The following ADK variants were observed in gnomAD, a reference collection of about 807,000 sequenced individuals.
ADK encodes N6,N6-dimethyladenosine kinase.
In ADK, 24 loss-of-function variants were observed where a neutral mutation model predicts 44.7. The ratio of observed to expected loss-of-function variants is 0.54; its 90% confidence interval spans 0.39 to 0.76. The LOEUF is 0.76. ADK is among the 30% of genes least tolerant of loss of function. ADK has a pLI of 0.00. For synonymous variants in ADK, 128 were observed against 142.6 expected, an observed-to-expected ratio of 0.90 and a Z score of 0.73; for missense variants, 321 against 425.1, an observed-to-expected ratio of 0.76 and a Z score of 2.15.
intron 2 of ADK, among the ~76,000 whole-genome samples, chr10:74,222,854 A>T (rs1844371497): frequency 1.1e-5 from 1 of 89,236 alleles, no homozygotes; most frequent in Non-Finnish European, 2.1e-5. Flanking sequence ...CACTCTGGGG[A>T]CTGTTGTGGG....
chr10:74,440,183 A>G (rs1480180086), intron 6 of ADK, among the ~76,000 whole-genome samples: 1 of 152,134 alleles, frequency 6.6e-6, no homozygotes, highest in African/African-American at 2.4e-5. Context: ...CATATTGGAC[A>G]TATTTACAAT....
At chr10:74,495,271 A>G (rs923603613) in intron 6 of ADK, among the ~76,000 whole-genome samples, 1 of 148,360 alleles carries the variant, frequency 6.7e-6, no homozygotes, top group Non-Finnish European at 1.5e-5. Context: ...TCTATTTTTC[A>G]TTTTTTCTTT....
chr10:74,476,925 T>C (rs1258497256), intron 6 of ADK, among the ~76,000 whole-genome samples: 1 of 152,190 alleles, frequency 6.6e-6, no homozygotes, highest in Non-Finnish European at 1.5e-5. Context: ...TTTTTTTACT[T>C]AGCAAAATTC....
At chr10:74,611,580 G>A (rs1852547610) in intron 9 of ADK, among the ~76,000 whole-genome samples, 2 of 151,028 alleles carry the variant, frequency 1.3e-5, no homozygotes, top group African/African-American at 2.4e-5. Flanking sequence ...CTGGGGTTTG[G>A]GCTTCTATTG....
chr10:74,152,249 C>G (rs1841617891), intron 1 of ADK, among the ~76,000 whole-genome samples: 2 of 152,158 alleles, frequency 1.3e-5, no homozygotes, highest in Admixed American at 6.5e-5. Flanking sequence ...GAAAAGGACA[C>G]TTAGGGGCCT....
At chr10:74,334,712 A>AT (rs1299454495) in intron 4 of ADK, among the ~76,000 whole-genome samples, 26 of 152,134 alleles carry the variant, frequency 1.7e-4, no homozygotes, top group African/African-American at 6.3e-4. Flanking sequence ...CCTATGAGTG[A>AT]TTTTTTAGGT....
chr10:74,427,275 T>G (rs1383144330), intron 6 of ADK, among the ~76,000 whole-genome samples: 1 of 152,160 alleles, frequency 6.6e-6, no homozygotes, highest in Non-Finnish European at 1.5e-5. Flanking sequence ...CTCCGCTCAC[T>G]GCAAGCTCGA....
At chr10:74,365,718 T>C (rs1353421444) in intron 4 of ADK, among the ~76,000 whole-genome samples, 1 of 152,170 alleles carries the variant, frequency 6.6e-6, no homozygotes, top group African/African-American at 2.4e-5. Context: ...GGCAAATACC[T>C]GGGAAGAGTG....
rs1446666805 is a variant in ADK at position 74,509,119 on chromosome 10, T to C, written c.556-16137T>C. On this transcript the variant is annotated intron_variant, in intron 6 of 10. Coordinates refer to ENST00000539909, the MANE Select transcript of ADK (RefSeq NM_006721.4). Reference sequence around the variant, plus strand: ...AGCTGGAACTACAGGTGCATGCAGCTGGGCCTGGCTTAGTTTACTGCTTTT... The same window carrying C: ...AGCTGGAACTACAGGTGCATGCAGCCGGGCCTGGCTTAGTTTACTGCTTTT... 2.6e-5 allele frequency among the ~76,000 whole-genome samples: 4 copies of C among 152,294 alleles called. No individual in the cohort carries two copies. The East Asian group carries it at 7.7e-4, about 29-fold the overall frequency.
chr10:74,368,243 A>G (rs1842554139), intron 4 of ADK, among the ~76,000 whole-genome samples: 1 of 152,070 alleles, frequency 6.6e-6, no homozygotes, highest in South Asian at 2.1e-4. Flanking sequence ...CTTCCCAAGT[A>G]GTTCAGGCTA....
chr10:74,500,437 G>A (rs1184887218), intron 6 of ADK, among the ~76,000 whole-genome samples: 3 of 152,088 alleles, frequency 2.0e-5, no homozygotes, highest in Non-Finnish European at 4.4e-5. Flanking sequence ...CCACCTGGAG[G>A]GCTTGGGAAA....
At position 74,373,688 on chromosome 10, in the gene ADK, C is replaced by T. The variant is rs909806241; in HGVS notation, c.274-20453C>T. Among the ~76,000 whole-genome samples, 6 of 152,074 alleles carry T rather than the reference C, an allele frequency of 3.9e-5. No individual in the cohort carries two copies. In the East Asian group the frequency reaches 9.6e-4, roughly 24 times the overall value. On this transcript the variant is annotated intron_variant, in intron 4 of 10. Transcript: ENST00000539909. ...GAGTTTTGGCAAGGATTTGGAGAAC[C>T]CTAAGGCATTGCTGGTGGGAATGTT...
intron 7 of ADK, among the ~76,000 whole-genome samples, chr10:74,585,421 A>G (rs1172800501): frequency 6.6e-6 from 1 of 152,216 alleles, no homozygotes; most frequent in Non-Finnish European, 1.5e-5. Flanking sequence ...TGATTCTGAA[A>G]ATGTGACCTG....
At chr10:74,465,271 T>C (rs1172717290) in intron 6 of ADK, among the ~76,000 whole-genome samples, 1 of 152,136 alleles carries the variant, frequency 6.6e-6, no homozygotes, top group African/African-American at 2.4e-5. Context: ...GCCAGGAGCA[T>C]AGCATGTTTA....
chr10:74,594,791 C>G (rs1036698370), intron 8 of ADK, among the ~76,000 whole-genome samples: 1 of 152,122 alleles, frequency 6.6e-6, no homozygotes, highest in African/African-American at 2.4e-5. Flanking sequence ...TAAAACCTTT[C>G]CCAACATATC....
At chr10:74,572,380 G>C (rs1051260985) in intron 7 of ADK, among the ~76,000 whole-genome samples, 6 of 152,240 alleles carry the variant, frequency 3.9e-5, no homozygotes, top group African/African-American at 1.4e-4. Flanking sequence ...TCTGCTGTTA[G>C]TCTGATGGGC....
chr10:74,525,462 G>GT, intron 7 of ADK, 36 bp downstream of exon 7: 1 of 1,558,372 alleles, frequency 6.4e-7, no homozygotes, highest in Non-Finnish European at 8.8e-7. Flanking sequence ...GAACCTGGGG[G>GT]TTTTTTGTTT....
At chr10:74,459,899 A>G (rs1846108238) in intron 6 of ADK, among the ~76,000 whole-genome samples, 1 of 152,134 alleles carries the variant, frequency 6.6e-6, no homozygotes, top group African/African-American at 2.4e-5. Context: ...GTTAAAAAAG[A>G]AAAAAGTATC....
At chr10:74,429,983 G>T (rs1844926433) in intron 6 of ADK, among the ~76,000 whole-genome samples, 1 of 152,040 alleles carries the variant, frequency 6.6e-6, no homozygotes, top group African/African-American at 2.4e-5. Flanking sequence ...TTTACATATA[G>T]TAATTCCTTT....
Sources: gnomAD v4.1 joint callset for allele counts (sites outside exome capture counted in the v4.1 genomes callset) on GRCh38, gnomAD v4.1.1 for gene constraint, MANE v1.5 for transcripts, NCBI Gene and HGNC (gene_info 2026-07-23, HGNC 2026-07-21) for gene names.